The following ABTB3 variants were observed in gnomAD, a reference collection of about 807,000 sequenced individuals.
ABTB3 encodes ankyrin repeat- and BTB/POZ domain-containing protein 3.
At chr12:107,604,813 T>C in the ABTB3 span, among the ~76,000 whole-genome samples, 1 of 152,172 alleles carries the variant, frequency 6.6e-6, no homozygotes, top group South Asian at 2.1e-4. Context: ...ATATCCACAC[T>C]CCTGTGTTTA....
At chr12:107,460,121 T>A in the ABTB3 span, among the ~76,000 whole-genome samples, 1 of 152,246 alleles carries the variant, frequency 6.6e-6, no homozygotes, top group Non-Finnish European at 1.5e-5. Flanking sequence ...GCCACCTGTT[T>A]TCTGTTACAA....
chr12:107,319,365 G>A, the ABTB3 span: 1 of 1,568,486 alleles, frequency 6.4e-7, no homozygotes, highest in Non-Finnish European at 8.6e-7. Context: ...GCGCTGGTGC[G>A]CATAGCCAAA....
the ABTB3 span, among the ~76,000 whole-genome samples, chr12:107,327,914 G>T: frequency 3.9e-5 from 6 of 152,314 alleles, 1 homozygote. Context: ...TGAAAGCTCT[G>T]CCATCTTGGA....
the ABTB3 span, among the ~76,000 whole-genome samples, chr12:107,359,648 C>T: frequency 2.1e-4 from 32 of 152,194 alleles, no homozygotes; most frequent in African/African-American, 7.2e-4. Context: ...TCAGTGCAGC[C>T]GTGAGTCACC....
At chr12:107,494,192 A>G in the ABTB3 span, among the ~76,000 whole-genome samples, 1 of 152,162 alleles carries the variant, frequency 6.6e-6, no homozygotes, top group East Asian at 1.9e-4. Context: ...TCATATGAGC[A>G]TTGGATCCTG....
the ABTB3 span, among the ~76,000 whole-genome samples, chr12:107,605,293 C>T: frequency 1.3e-5 from 2 of 152,148 alleles, no homozygotes. Context: ...CCCTCGGAGG[C>T]TGGCATGCTA....
the ABTB3 span, among the ~76,000 whole-genome samples, chr12:107,476,303 A>T: frequency 1.3e-5 from 2 of 152,188 alleles, no homozygotes; most frequent in Admixed American, 6.5e-5. Context: ...TGTGATCTGG[A>T]GACTTTGGTT....
At chr12:107,545,313 G>T in the ABTB3 span, among the ~76,000 whole-genome samples, 1 of 151,812 alleles carries the variant, frequency 6.6e-6, no homozygotes, top group Non-Finnish European at 1.5e-5. Flanking sequence ...CATGATCTCT[G>T]CTCACTGCAA....
At chr12:107,531,036 T>A in the ABTB3 span, among the ~76,000 whole-genome samples, 1 of 152,210 alleles carries the variant, frequency 6.6e-6, no homozygotes, top group Non-Finnish European at 1.5e-5. Flanking sequence ...CAGACCTAGG[T>A]TGGAATCTTG....
chr12:107,547,463 G>A, the ABTB3 span, among the ~76,000 whole-genome samples: 23 of 152,288 alleles, frequency 1.5e-4, no homozygotes, highest in Admixed American at 8.5e-4. Flanking sequence ...AGTTGGAGTG[G>A]CTGGAAGTCA....
chr12:107,641,374 G>A, the ABTB3 span, among the ~76,000 whole-genome samples: 1 of 152,172 alleles, frequency 6.6e-6, no homozygotes, highest in Admixed American at 6.5e-5. Flanking sequence ...AGCTGGGTGA[G>A]GGGTAAACAG....
At chr12:107,392,322 C>T in the ABTB3 span, among the ~76,000 whole-genome samples, 1 of 152,172 alleles carries the variant, frequency 6.6e-6, no homozygotes, top group Non-Finnish European at 1.5e-5. Flanking sequence ...CTCCTTCCTT[C>T]GCAGGGACCC....
chr12:107,471,817 G>C, the ABTB3 span, among the ~76,000 whole-genome samples: 1 of 152,160 alleles, frequency 6.6e-6, no homozygotes, highest in Non-Finnish European at 1.5e-5. Context: ...CTAGAGTTCA[G>C]ACTGTGGGCT....
At chr12:107,369,109 A>G in the ABTB3 span, among the ~76,000 whole-genome samples, 3 of 152,048 alleles carry the variant, frequency 2.0e-5, no homozygotes, top group African/African-American at 7.2e-5. Flanking sequence ...CAAATCTACC[A>G]ACTTTTTTTT....
chr12:107,349,804 A>G, the ABTB3 span, among the ~76,000 whole-genome samples: 1 of 152,222 alleles, frequency 6.6e-6, no homozygotes, highest in Non-Finnish European at 1.5e-5. Context: ...AGGGATAAGG[A>G]TTAATTTAAA....
chr12:107,367,752 G>A, the ABTB3 span, among the ~76,000 whole-genome samples: 34 of 152,266 alleles, frequency 2.2e-4, no homozygotes, highest in African/African-American at 7.9e-4. Context: ...CAATCTGCCT[G>A]CCTTGGCCTT....
chr12:107,450,983 T>TC, the ABTB3 span, among the ~76,000 whole-genome samples: 15 of 152,218 alleles, frequency 9.9e-5, no homozygotes, highest in African/African-American at 3.6e-4. Context: ...AATATGTGTT[T>TC]TTTTTTTTAA....
chr12:107,574,824 G>A, the ABTB3 span, among the ~76,000 whole-genome samples: 1 of 152,234 alleles, frequency 6.6e-6, no homozygotes, highest in Non-Finnish European at 1.5e-5. Flanking sequence ...CAAAGGCACA[G>A]AAACATTTAA....
At chr12:107,602,332 C>A in the ABTB3 span, among the ~76,000 whole-genome samples, 3 of 152,174 alleles carry the variant, frequency 2.0e-5, no homozygotes, top group Admixed American at 1.3e-4. Context: ...TAATTTGAGA[C>A]CTTAAAAAGC....
Sources: gnomAD v4.1 joint callset for allele counts (sites outside exome capture counted in the v4.1 genomes callset) on GRCh38, gnomAD v4.1.1 for gene constraint, MANE v1.5 for transcripts, NCBI Gene and HGNC (gene_info 2026-07-23, HGNC 2026-07-21) for gene names.